BACH2: variants seen among roughly 807,000 people sequenced by gnomAD.
BACH2 encodes the protein transcription regulator protein BACH2.
Under a neutral mutation model 61.8 loss-of-function variants are expected in BACH2, and 5 were observed. The observed-to-expected ratio is 0.08, with a 90% CI of 0.04 to 0.17. The LOEUF (loss-of-function observed/expected upper bound fraction) is 0.17. BACH2 is among the 10% of genes least tolerant of loss of function. BACH2 has a pLI of 1.00. For missense variants in BACH2, 824 were observed against 1,091.1 expected, an observed-to-expected ratio of 0.76 and a Z score of 3.45; for synonymous variants, 446 against 440.1, an observed-to-expected ratio of 1.01 and a Z score of -0.17.
intron 7 of BACH2, among the ~76,000 whole-genome samples, chr6:89,947,113 C>G (rs181622921): frequency 1.3e-5 from 2 of 152,254 alleles, no homozygotes; most frequent in African/African-American, 4.8e-5. Context: ...GGTGGAAACT[C>G]CTGTCTTGAT....
At chr6:90,266,064 T>C (rs1385811247) in intron 2 of BACH2, among the ~76,000 whole-genome samples, 1 of 152,110 alleles carries the variant, frequency 6.6e-6, no homozygotes, top group Non-Finnish European at 1.5e-5. Flanking sequence ...GTGGGCACAA[T>C]TCCTCCTGAT....
chr6:90,185,986 T>C (rs1768342936), intron 4 of BACH2, among the ~76,000 whole-genome samples: 1 of 152,236 alleles, frequency 6.6e-6, no homozygotes, highest in Admixed American at 6.5e-5. Context: ...TTTCCCCCTT[T>C]AAAATCATAG....
At chr6:90,172,959 T>G (rs1009364736) in intron 4 of BACH2, among the ~76,000 whole-genome samples, 1 of 151,994 alleles carries the variant, frequency 6.6e-6, no homozygotes, top group Non-Finnish European at 1.5e-5. Flanking sequence ...ATTAAAGAAC[T>G]CTAAGGTTAC....
intron 5 of BACH2, among the ~76,000 whole-genome samples, chr6:90,046,302 A>G (rs1455503413): frequency 5.9e-5 from 9 of 152,232 alleles, no homozygotes; most frequent in African/African-American, 2.2e-4. Context: ...CCACTTTGCT[A>G]AGTGCTGGGT....
In BACH2 at chr6:90,274,025, G is replaced by A. The variant is rs183746225; in HGVS notation, c.-445-2084C>T. 6.0e-4 allele frequency among the ~76,000 whole-genome samples: 92 copies of A among 152,262 alleles called. 4 individuals carry two copies. The highest frequency in any genetic ancestry group is 5.8e-3 in the Admixed American group (88 of 15,288). On this transcript the variant is annotated intron_variant, in intron 1 of 8. Transcript: ENST00000257749. Reference sequence around the variant, plus strand: ...CTCCAAGGGTAGCTCACGTTTCTCCGTGCTCCAAGGACAGTAATATGCAGA... The same window carrying A: ...CTCCAAGGGTAGCTCACGTTTCTCCATGCTCCAAGGACAGTAATATGCAGA...
chr6:90,073,727 CT>C (rs1781348356), intron 5 of BACH2, among the ~76,000 whole-genome samples: 1 of 152,052 alleles, frequency 6.6e-6, no homozygotes, highest in South Asian at 2.1e-4. Flanking sequence ...ACAAGTTTTC[CT>C]TAAAGGTTCA....
chr6:90,080,337 C>T (rs1161970294), intron 5 of BACH2, among the ~76,000 whole-genome samples: 1 of 151,980 alleles, frequency 6.6e-6, no homozygotes, highest in Non-Finnish European at 1.5e-5. Context: ...CCTTGCTATC[C>T]CTTTCCTTCT....
At chr6:90,068,592 A>G (rs1781073986) in intron 5 of BACH2, among the ~76,000 whole-genome samples, 2 of 151,860 alleles carry the variant, frequency 1.3e-5, no homozygotes, top group East Asian at 3.9e-4. Context: ...TGGCTCCCAG[A>G]GAAACACCAT....
chr6:90,146,396 C>T (rs950911424), intron 4 of BACH2, among the ~76,000 whole-genome samples: 2 of 152,342 alleles, frequency 1.3e-5, no homozygotes, highest in South Asian at 2.1e-4. Context: ...TCCTTGTTTT[C>T]CAGTGGTGTC....
chr6:90,183,439 C>A lies in BACH2; in HGVS notation c.-162+23130G>T, dbSNP rs556645055. Among the ~76,000 whole-genome samples the A allele has an allele frequency of 3.3e-5, 5 of 152,290 alleles. 1 individual carries two copies. The South Asian group carries it at 1.0e-3, about 32-fold the overall frequency. On this transcript the variant is annotated intron_variant, in intron 4 of 8. Coordinates refer to ENST00000257749, the MANE Select transcript of BACH2 (RefSeq NM_021813.4). ...GTGTGATCTGTGAAATTCTAACATGCCTAATAACATTTATTCCCTTATGAT... is the reference window on the plus strand; with the variant it reads ...GTGTGATCTGTGAAATTCTAACATGACTAATAACATTTATTCCCTTATGAT...
chr6:90,104,647 T>G lies in BACH2; in HGVS notation c.-161-15538A>C, dbSNP rs114547150. Among the ~76,000 whole-genome samples the G allele has an allele frequency of 2.3e-3, 348 of 152,300 alleles. 1 individual carries two copies. Among genetic ancestry groups the G allele is most frequent in the African/African-American group, 8.0e-3 (333 of 41,568 alleles). On this transcript the variant is annotated intron_variant, in intron 4 of 8. Transcript: ENST00000257749. ...CCCACCCAAATGGTTCCAAGTGAGC[T>G]CCCAGGGTCAGTGTATGCCCTTTCC...
chr6:90,255,293 T>A (rs1169662902), intron 2 of BACH2, among the ~76,000 whole-genome samples: 1 of 152,240 alleles, frequency 6.6e-6, no homozygotes, highest in Non-Finnish European at 1.5e-5. Context: ...AACAATTGTT[T>A]ACTAAAAATG....
chr6:90,190,422 T>C (rs1768529451), intron 4 of BACH2, among the ~76,000 whole-genome samples: 1 of 152,284 alleles, frequency 6.6e-6, no homozygotes, highest in African/African-American at 2.4e-5. Context: ...CTATTTCTGC[T>C]CTTCTGCTAA....
chr6:90,039,844 T>G (rs142464109), intron 5 of BACH2, among the ~76,000 whole-genome samples: 2 of 152,364 alleles, frequency 1.3e-5, no homozygotes, highest in African/African-American at 4.8e-5. Context: ...ATATATTTCA[T>G]GTTTATGAAC....
chr6:90,286,443 A>G (rs2127889520), intron 1 of BACH2, among the ~76,000 whole-genome samples: 1 of 152,322 alleles, frequency 6.6e-6, no homozygotes, highest in Admixed American at 6.5e-5. Flanking sequence ...AACTGAGAAT[A>G]CATTTTCCCA....
chr6:90,172,838 TA>T (rs1419725499), intron 4 of BACH2, among the ~76,000 whole-genome samples: 5 of 151,920 alleles, frequency 3.3e-5, no homozygotes, highest in Non-Finnish European at 7.4e-5. Flanking sequence ...AAATAGAGTA[TA>T]AAAAACAGCT....
chr6:90,266,363 G>C (rs1771329468), intron 2 of BACH2, among the ~76,000 whole-genome samples: 1 of 152,120 alleles, frequency 6.6e-6, no homozygotes, highest in South Asian at 2.1e-4. Context: ...AGAGAGGAAG[G>C]CTCTAGAAGA....
At chr6:89,932,950 C>T in intron 8 of BACH2, 60 bp from the exon 9 acceptor site, 1 of 1,500,494 alleles carries the variant, frequency 6.7e-7, no homozygotes. Flanking sequence ...GACAGAAGGC[C>T]TCGTTTCAGG....
At chr6:90,042,943 A>G (rs1362544975) in intron 5 of BACH2, among the ~76,000 whole-genome samples, 3 of 152,314 alleles carry the variant, frequency 2.0e-5, no homozygotes, top group East Asian at 3.9e-4. Flanking sequence ...GAAGCATAAG[A>G]GTGGCAACCA....
Sources: allele counts gnomAD v4.1 joint callset (sites outside exome capture counted in the v4.1 genomes callset), GRCh38; gene constraint gnomAD v4.1.1; transcripts MANE v1.5; gene names NCBI Gene and HGNC (gene_info 2026-07-23, HGNC 2026-07-21).